CCDC27: variants seen among roughly 807,000 people sequenced by gnomAD.
The protein encoded by CCDC27 is coiled-coil domain containing 27.
In CCDC27, 80 loss-of-function variants were observed where a neutral mutation model predicts 80.3. The observed-to-expected ratio is 1.00, with a 90% CI of 0.83 to 1.20. The LOEUF is 1.20. Ranked by LOEUF, CCDC27 falls within the 50% of genes most tolerant of loss-of-function variation. CCDC27 has a pLI of 0.00. For synonymous variants in CCDC27, 342 were observed against 334.3 expected (o/e 1.02, Z -0.25); for missense variants, 815 against 809.4 (o/e 1.01, Z -0.08).
rs1232470657 is a variant in CCDC27 at position 3,771,533 on chromosome 1, G to C, written c.*10G>C. 10 of 1,612,926 alleles carry C rather than the reference G, an allele frequency of 6.2e-6. No homozygotes were observed. The Admixed American group carries it at 1.7e-4, about 27-fold the overall frequency. The stretch of plus-strand genomic sequence containing the variant: ...GGGGACCTCCAAGTAGGCCCAGCCA[G>C]GCCCCCAAATACGGTCAGCCCAGCA... On this transcript the variant is annotated 3_prime_UTR_variant, in exon 12 of 12. Coordinates refer to ENST00000294600, the MANE Select transcript of CCDC27 (RefSeq NM_152492.3).
Position 3,761,098 on chromosome 1 carries a change from T to A in CCDC27, c.712-183T>A, listed in dbSNP as rs760723926. Among the ~76,000 whole-genome samples the A allele has an allele frequency of 7.9e-5, 12 of 152,212 alleles. No individual in the cohort carries two copies. Among genetic ancestry groups the A allele is most frequent in the Non-Finnish European group, 1.5e-4 (10 of 68,038 alleles). On this transcript the variant is annotated intron_variant, in intron 4 of 11. Coordinates refer to ENST00000294600, the MANE Select transcript of CCDC27 (RefSeq NM_152492.3). The surrounding 1 kb of genome is among the most constrained non-coding windows in gnomAD (Gnocchi z 5.0). The stretch of plus-strand genomic sequence containing the variant: ...ATGGCTGCAGTAAAGAGCTGGCACA[T>A]CTTGATCTCCAGATGTGTAGTGCTA...
In CCDC27 at chr1:3,768,311, G is replaced by A. The variant is rs1229609565; in HGVS notation, c.1743+866G>A. On this transcript the variant is annotated intron_variant, in intron 10 of 11. Coordinates refer to ENST00000294600, the MANE Select transcript of CCDC27 (RefSeq NM_152492.3). This position sits in a 1 kb window ranked among gnomAD's most constrained non-coding sequence, Gnocchi z 5.6. ...ACGGTCTCACTATGCTGTCCAGGCTGGTCTTGAACTCCTGGGCTCCAGCAA... is the reference window on the plus strand; with the variant it reads ...ACGGTCTCACTATGCTGTCCAGGCTAGTCTTGAACTCCTGGGCTCCAGCAA... 1.3e-5 allele frequency among the ~76,000 whole-genome samples: 2 copies of A among 152,018 alleles called. No homozygotes were observed. Among genetic ancestry groups the A allele is most frequent in the South Asian group, 2.1e-4 (1 of 4,814 alleles).
At position 3,763,187 on chromosome 1, in the gene CCDC27, G is replaced by C. The variant is rs753817639; in HGVS notation, c.1034G>C (p.Gly345Ala). Residue 345 changes from glycine (G) to alanine (A), a missense_variant, in exon 7 of 12, where the codon GGG (glycine) becomes GCG (alanine). Coordinates refer to ENST00000294600, the MANE Select transcript of CCDC27 (RefSeq NM_152492.3). The surrounding 1 kb of genome is among the most constrained non-coding windows in gnomAD (Gnocchi z 7.5). ...GGGEEDEGLE[G>A]EPDGVEDTGA... The stretch of plus-strand genomic sequence containing the variant: ...GGCGAGGAGGACGAGGGCCTGGAAG[G>C]GGAGCCCGATGGGGTGGAGGACACG... The C allele has an allele frequency of 1.5e-5, 23 of 1,513,150 alleles. No homozygotes were observed. The highest frequency in any genetic ancestry group is 2.0e-5 in the Non-Finnish European group (22 of 1,127,788). 93.7% of individuals were successfully genotyped at this position (1,513,150 alleles called of 1,614,324 possible).
chr1:3,765,479 CA>C (rs1489542977), intron 8 of CCDC27, among the ~76,000 whole-genome samples: 4 of 152,180 alleles, frequency 2.6e-5, no homozygotes, highest in African/African-American at 9.7e-5. Context: ...TCTGTTATCT[CA>C]ACCTTTTTGT....
Position 3,763,400 on chromosome 1 carries a change from A to AG in CCDC27, c.1249dup (p.Glu417GlyfsTer49). ...GAGGAGGAGCTGCTGGCCCAGCTGG[A>AG]GGAGTACGAGCAGGTCATCCTGGAC... On this transcript the variant is annotated frameshift_variant, in exon 7 of 12. Transcript: ENST00000294600. LOFTEE classifies it high-confidence loss of function. This position sits in a 1 kb window ranked among gnomAD's most constrained non-coding sequence, Gnocchi z 7.5. 1 of 1,612,744 alleles carries AG rather than the reference A, an allele frequency of 6.2e-7. No homozygotes were observed. Among genetic ancestry groups the AG allele is most frequent in the Non-Finnish European group, 8.5e-7 (1 of 1,179,916 alleles).
rs2124593879 is a variant in CCDC27 at position 3,761,982 on chromosome 1, GGGTGGGGTAGA to G, written c.861+560_861+570del. 6.6e-6 allele frequency among the ~76,000 whole-genome samples: 1 copy of G among 152,200 alleles called. No individual in the cohort carries two copies. Among genetic ancestry groups the G allele is most frequent in the Admixed American group, 6.5e-5 (1 of 15,298 alleles). ...GAGGTTGGGCATGGGGTTGGGGTGG[GGGTGGGGTAGA>G]GGTGGGGATGCAGGTGGGGATGCTA... On this transcript the variant is annotated intron_variant, in intron 5 of 11. Coordinates refer to ENST00000294600, the MANE Select transcript of CCDC27 (RefSeq NM_152492.3). This position sits in a 1 kb window ranked among gnomAD's most constrained non-coding sequence, Gnocchi z 5.0.
Position 3,766,661 on chromosome 1 carries a change from T to C in CCDC27, c.1530+49T>C, listed in dbSNP as rs1271063715. On this transcript the variant is annotated intron_variant, in intron 9 of 11. Transcript: ENST00000294600. The surrounding 1 kb of genome is among the most constrained non-coding windows in gnomAD (Gnocchi z 6.1). ...TGATCAGCCAGGCCACTGTTCTTAC[T>C]GTAAGTCCCAACACAGCAAAGGGCA... is the stretch of plus-strand genomic sequence containing the variant. The C allele has an allele frequency of 6.6e-6, 10 of 1,507,626 alleles. No individual in the cohort carries two copies. The Admixed American group carries it at 1.5e-4, about 23-fold the overall frequency. 93.4% of individuals were successfully genotyped at this position (1,507,626 alleles called of 1,614,324 possible).
chr1:3,769,791 G>A lies in CCDC27; in HGVS notation c.1752G>A (p.Arg584=). The A allele has an allele frequency of 1.2e-6, 2 of 1,613,702 alleles. No individual in the cohort carries two copies. The highest frequency in any genetic ancestry group is 1.3e-5 in the African/African-American group (1 of 74,990). Residue 584 remains arginine, a synonymous_variant, in exon 11 of 12, where the codon AGG becomes AGA. Coordinates refer to ENST00000294600, the MANE Select transcript of CCDC27 (RefSeq NM_152492.3). The surrounding 1 kb of genome is among the most constrained non-coding windows in gnomAD (Gnocchi z 4.6). ...ALESSQSRLE[R]LRNKIIQATF... The stretch of plus-strand genomic sequence containing the variant: ...TGTCCCTTTGCTCACAGCTCGAGAG[G>A]TTAAGGAATAAGATCATCCAGGCCA...
At position 3,763,160 on chromosome 1, in the gene CCDC27, G is replaced by T; in HGVS notation, c.1007G>T (p.Gly336Val). ...AGGGGCAAGGAGCCCGACCTGGGAGGTGGCGAGGAGGACGAGGGCCTGGAA... is the reference window on the plus strand; with the variant it reads ...AGGGGCAAGGAGCCCGACCTGGGAGTTGGCGAGGAGGACGAGGGCCTGGAA... ...PERGKEPDLGGGEEDEGLEGE... is the reference protein window; with the variant it reads ...PERGKEPDLGVGEEDEGLEGE... Residue 336 changes from glycine to valine, a missense_variant, in exon 7 of 12, where the codon GGT becomes GTT. Physicochemically the swap from Gly to Val is moderately radical, Grantham distance 109 (BLOSUM62 -3). Transcript: ENST00000294600. The surrounding 1 kb of genome is among the most constrained non-coding windows in gnomAD (Gnocchi z 7.5). 1 of 1,493,210 alleles carries T rather than the reference G, an allele frequency of 6.7e-7. No individual in the cohort carries two copies. Among genetic ancestry groups the T allele is most frequent in the Non-Finnish European group, 8.9e-7 (1 of 1,120,500 alleles). 92.5% of individuals were successfully genotyped at this position (1,493,210 alleles called of 1,614,324 possible).
In CCDC27 at chr1:3,763,263, C is replaced by T. The variant is rs377542423; in HGVS notation, c.1110C>T (p.Ser370=). ...SQMGSVHEEG[S]EEEEEEEGDR... is the part of the protein sequence containing the mutation. ...TGGGATCCGTGCATGAGGAGGGAAGCGAGGAGGAGGAAGAGGAGGAAGGGG... is the reference window on the plus strand; with the variant it reads ...TGGGATCCGTGCATGAGGAGGGAAGTGAGGAGGAGGAAGAGGAGGAAGGGG... The change falls in exon 7 of 12, where the codon AGC becomes AGT. Residue 370 remains serine, a synonymous_variant. Transcript: ENST00000294600. This position sits in a 1 kb window ranked among gnomAD's most constrained non-coding sequence, Gnocchi z 7.5. 60 of 1,577,278 alleles carry T rather than the reference C, an allele frequency of 3.8e-5. No individual in the cohort carries two copies. The highest frequency in any genetic ancestry group is 8.1e-5 in the African/African-American group (6 of 74,212).
intron 6 of CCDC27, 56 bp downstream of exon 6, chr1:3,762,768 C>A: frequency 6.8e-7 from 1 of 1,461,274 alleles, no homozygotes; most frequent in Non-Finnish European, 9.3e-7. Flanking sequence ...CAGGAGCCAC[C>A]TAGGCTGCTT....
At chr1:3,767,561 C>A (rs1055523499) in intron 10 of CCDC27, 116 bp downstream of exon 10, 2 of 836,584 alleles carry the variant, frequency 2.4e-6, no homozygotes, top group Non-Finnish European at 3.7e-6. Context: ...GGGGCTCGGG[C>A]TGGTTCTGCC....
rs1362469387 is a variant in CCDC27, at chr1:3,768,389, G to A, written c.1743+944G>A. 6.6e-6 allele frequency among the ~76,000 whole-genome samples: 1 copy of A among 152,144 alleles called. No individual in the cohort carries two copies. The highest frequency in any genetic ancestry group is 1.5e-5 in the Non-Finnish European group (1 of 68,030). On this transcript the variant is annotated intron_variant, in intron 10 of 11. Transcript: ENST00000294600. This position sits in a 1 kb window ranked among gnomAD's most constrained non-coding sequence, Gnocchi z 5.6. ...TGGGAATACAGGTGTGAGCTACCGT[G>A]CCTGGCCCTGACCTTGATTTAGAAT...
Position 3,758,191 on chromosome 1 carries a change from A to T in CCDC27, c.711+1301A>T, listed in dbSNP as rs544239207. Among the ~76,000 whole-genome samples, 21 of 152,026 alleles carry T rather than the reference A, an allele frequency of 1.4e-4. No individual in the cohort carries two copies. The East Asian group carries it at 1.7e-3, about 13-fold the overall frequency. On this transcript the variant is annotated intron_variant, in intron 4 of 11. Coordinates refer to ENST00000294600, the MANE Select transcript of CCDC27 (RefSeq NM_152492.3). ...AGGAGCACTCTTATTTTATTAATTA[A>T]TTTATTTATTTATTTTTGAGACAGA...
chr1:3,762,256 C>A (rs921606301), intron 5 of CCDC27, among the ~76,000 whole-genome samples: 1 of 152,146 alleles, frequency 6.6e-6, no homozygotes, highest in Non-Finnish European at 1.5e-5. Flanking sequence ...GGTGGCCAGC[C>A]GGCGGCTTCC....
chr1:3,771,458 G>A lies in CCDC27; in HGVS notation c.1906G>A (p.Val636Met), dbSNP rs1052113299. 1.9e-6 allele frequency: 3 copies of A among 1,614,026 alleles called. No homozygotes were observed. Among genetic ancestry groups the A allele is most frequent in the Non-Finnish European group, 2.5e-6 (3 of 1,179,986 alleles). Reference sequence around the variant, plus strand: ...TCAGCTGAAGCAGAAAGGCGTCAAAGTGCCCCCCCTGCAACAGTCAGAGGC... The same window carrying A: ...TCAGCTGAAGCAGAAAGGCGTCAAAATGCCCCCCCTGCAACAGTCAGAGGC... ...YNQLKQKGVKVPPLQQSEAFL... is the reference protein window; with the variant it reads ...YNQLKQKGVKMPPLQQSEAFL... The change falls in exon 12 of 12, where the codon GTG becomes ATG. Residue 636 changes from valine to methionine, a missense_variant. Coordinates refer to ENST00000294600, the MANE Select transcript of CCDC27 (RefSeq NM_152492.3).
In CCDC27 at chr1:3,756,802, C is replaced by CTT. The variant is rs778004269; in HGVS notation, c.625_626dup (p.Leu209PhefsTer2). Reference sequence around the variant, plus strand: ...TTGCGGAAGAGGAGAAAATCCCAGACTTTGAGTCCGGTCACCAGCAGCTCA... The same window carrying CTT: ...TTGCGGAAGAGGAGAAAATCCCAGACTTTTTGAGTCCGGTCACCAGCAGCTCA... On this transcript the variant is annotated frameshift_variant, in exon 4 of 12. Transcript: ENST00000294600. LOFTEE classifies it high-confidence loss of function. The CTT allele has an allele frequency of 2.0e-4, 320 of 1,613,986 alleles. No individual in the cohort carries two copies. The highest frequency in any genetic ancestry group is 2.6e-4 in the Non-Finnish European group (310 of 1,180,032).
At chr1:3,767,834 G>A (rs1643270825) in intron 10 of CCDC27, among the ~76,000 whole-genome samples, 1 of 152,214 alleles carries the variant, frequency 6.6e-6, no homozygotes, top group African/African-American at 2.4e-5. Flanking sequence ...ACCATTCTAA[G>A]TACCTTCTTG....
chr1:3,770,631 C>T (rs1366093922), intron 11 of CCDC27, among the ~76,000 whole-genome samples: 1 of 152,242 alleles, frequency 6.6e-6, no homozygotes, highest in Non-Finnish European at 1.5e-5. Context: ...ACACTTCACC[C>T]TCTGGGGCTG....
Sources: gnomAD v4.1 joint callset for allele counts (sites outside exome capture counted in the v4.1 genomes callset) on GRCh38, gnomAD v4.1.1 for gene constraint, Gnocchi (gnomAD v3.1) non-coding constraint, MANE v1.5 for transcripts, NCBI Gene and HGNC (gene_info 2026-07-23, HGNC 2026-07-21) for gene names.